The following TMCC3 variants were observed in gnomAD, a reference collection of about 807,000 sequenced individuals.
TMCC3 encodes transmembrane and coiled-coil domain family 3, also known as transmembrane and coiled-coil domain protein 3.
In TMCC3, 28 loss-of-function variants were observed where a neutral mutation model predicts 40.2. That is an observed-to-expected ratio of 0.70 (90% CI 0.52 to 0.95). TMCC3 has a LOEUF of 0.95. Ranked by LOEUF, TMCC3 falls within the 40% of genes least tolerant of loss-of-function variation. The pLI is 0.00. For missense variants in TMCC3, 554 were observed against 615.2 expected, an observed-to-expected ratio of 0.90 and a Z score of 1.05; for synonymous variants, 255 against 248.5, an observed-to-expected ratio of 1.03 and a Z score of -0.25.
chr12:94,609,518 T>G (rs898634693), intron 1 of TMCC3, among the ~76,000 whole-genome samples: 2 of 152,208 alleles, frequency 1.3e-5, no homozygotes, highest in Non-Finnish European at 2.9e-5. Context: ...GCAACTTGAT[T>G]TTTTGCAGCC....
intron 1 of TMCC3, among the ~76,000 whole-genome samples, chr12:94,610,559 TACC>T (rs374032691): frequency 6.6e-6 from 1 of 151,972 alleles, no homozygotes; most frequent in African/African-American, 2.4e-5. Flanking sequence ...CTGCCACCCC[TACC>T]ACCACCACCA....
intron 1 of TMCC3, among the ~76,000 whole-genome samples, chr12:94,619,981 T>C (rs1457173247): frequency 6.6e-6 from 1 of 152,012 alleles, no homozygotes; most frequent in Non-Finnish European, 1.5e-5. Context: ...TTGACCAACA[T>C]GGAGAAACCC....
intron 3 of TMCC3, among the ~76,000 whole-genome samples, chr12:94,576,137 G>A (rs1017276469): frequency 6.6e-6 from 1 of 152,080 alleles, no homozygotes; most frequent in Non-Finnish European, 1.5e-5. Flanking sequence ...CAGTGGTGAA[G>A]CAAAGTCTCT....
At chr12:94,579,309 C>T (rs976501295) in intron 2 of TMCC3, among the ~76,000 whole-genome samples, 5 of 152,148 alleles carry the variant, frequency 3.3e-5, no homozygotes, top group Non-Finnish European at 5.9e-5. Context: ...GAGTTCGAGA[C>T]CAGTCTGGCC....
chr12:94,643,828 T>C (rs2069003725), intron 1 of TMCC3, among the ~76,000 whole-genome samples: 1 of 152,226 alleles, frequency 6.6e-6, no homozygotes, highest in African/African-American at 2.4e-5. Context: ...TGGTAAAGAA[T>C]CAAGCTCTGG....
At chr12:94,580,022 A>G (rs886170525) in intron 2 of TMCC3, among the ~76,000 whole-genome samples, 1 of 152,252 alleles carries the variant, frequency 6.6e-6, no homozygotes, top group Non-Finnish European at 1.5e-5. Flanking sequence ...TTTTTGTTTC[A>G]TAAAATTGGA....
At chr12:94,623,550 C>T (rs1051491381) in intron 1 of TMCC3, among the ~76,000 whole-genome samples, 1 of 152,186 alleles carries the variant, frequency 6.6e-6, no homozygotes, top group Non-Finnish European at 1.5e-5. Context: ...TCTTCAGGAG[C>T]GAATTCACAG....
At position 94,569,790 on chromosome 12, in the gene TMCC3, T is replaced by C. The variant is rs1023185167; in HGVS notation, c.*1645A>G. On this transcript the variant is annotated 3_prime_UTR_variant, in exon 4 of 4. Coordinates refer to ENST00000261226, the MANE Select transcript of TMCC3 (RefSeq NM_020698.4). ...GGAGATTTCCCTAAGAAGAGCTGTTTGCAAAATATTGCACTTAATTTGAAT... is the reference window on the plus strand; with the variant it reads ...GGAGATTTCCCTAAGAAGAGCTGTTCGCAAAATATTGCACTTAATTTGAAT... The C allele has an allele frequency of 1.3e-5, 2 of 152,234 alleles. No individual in the cohort carries two copies. Among genetic ancestry groups the C allele is most frequent in the African/African-American group, 4.8e-5 (2 of 41,452 alleles). The allele number at this position is 152,234 out of a possible 1,614,324, so 9.4% of individuals were successfully genotyped here.
intron 1 of TMCC3, among the ~76,000 whole-genome samples, chr12:94,624,729 T>A (rs199734375): frequency 5.1e-5 from 7 of 137,316 alleles, no homozygotes; most frequent in Non-Finnish European, 6.6e-5. Context: ...AAAAAAAATA[T>A]ATTGTTCAGC....
rs373000102 is a variant in TMCC3, at chr12:94,593,423, G to GAAGAAGAAGAAGAA, written c.79-10886_79-10885insTTCTTCTTCTTCTT. On this transcript the variant is annotated intron_variant, in intron 1 of 3. Transcript: ENST00000261226. ...AAAGAAGAAGAAGGAAGAAGAAGAA[G>GAAGAAGAAGAAGAA]GAAGAAGAAGGAGAAGGAGAAGGAG... Among the ~76,000 whole-genome samples, 4 of 22,600 alleles carry GAAGAAGAAGAAGAA rather than the reference G, an allele frequency of 1.8e-4. 1 individual carries two copies. Among genetic ancestry groups the GAAGAAGAAGAAGAA allele is most frequent in the African/African-American group, 3.2e-4 (2 of 6,246 alleles). The allele number at this position is 22,600 out of a possible 152,430, so 14.8% of individuals were successfully genotyped here.
intron 1 of TMCC3, among the ~76,000 whole-genome samples, chr12:94,646,897 A>G (rs2069022878): frequency 6.6e-6 from 1 of 152,136 alleles, no homozygotes; most frequent in African/African-American, 2.4e-5. Context: ...AAGCTCGAAG[A>G]GCCAGAATAC....
At chr12:94,627,670 A>C (rs1453995663) in intron 1 of TMCC3, among the ~76,000 whole-genome samples, 1 of 152,158 alleles carries the variant, frequency 6.6e-6, no homozygotes, top group Non-Finnish European at 1.5e-5. Flanking sequence ...CCTCCCTTAG[A>C]TGGCTGCACA....
chr12:94,650,409 G>A lies in TMCC3; in HGVS notation c.22C>T (p.Leu8Phe). The A allele has an allele frequency of 3.0e-6, 4 of 1,314,524 alleles. No homozygotes were observed. Among genetic ancestry groups the A allele is most frequent in the Non-Finnish European group, 3.9e-6 (4 of 1,025,686 alleles). 81.4% of individuals were successfully genotyped at this position (1,314,524 alleles called of 1,614,324 possible). The change falls in exon 1 of 4, where the codon CTC becomes TTC. Residue 8 changes from leucine to phenylalanine, a missense_variant. Coordinates refer to ENST00000261226, the MANE Select transcript of TMCC3 (RefSeq NM_020698.4). The stretch of plus-strand genomic sequence containing the variant: ...TACGAGTAGGTCCGGTCCACGGTGA[G>A]CGCCGTGTCGCTGCCCGGCATCTCC... MPGSDTALTVDRTYSYPG... is the reference protein window; with the variant it reads MPGSDTAFTVDRTYSYPG...
chr12:94,583,989 C>G (rs940819016), intron 1 of TMCC3, among the ~76,000 whole-genome samples: 1 of 151,946 alleles, frequency 6.6e-6, no homozygotes. Context: ...AAATGAGAAG[C>G]AAGACAATAT....
In TMCC3 at chr12:94,567,307, A is replaced by G. The variant is rs2068500666; in HGVS notation, c.*4128T>C. 6.6e-6 allele frequency: 1 copy of G among 152,240 alleles called. No individual in the cohort carries two copies. Among genetic ancestry groups the G allele is most frequent in the Admixed American group, 6.5e-5 (1 of 15,286 alleles). 9.4% of individuals were successfully genotyped at this position (152,240 alleles called of 1,614,324 possible). ...TAACTCACAAAATGGAAATTCTGCAACAAGCCTCACAATAAACATTTCCAG... is the reference window on the plus strand; with the variant it reads ...TAACTCACAAAATGGAAATTCTGCAGCAAGCCTCACAATAAACATTTCCAG... On this transcript the variant is annotated 3_prime_UTR_variant, in exon 4 of 4. Transcript: ENST00000261226.
Position 94,616,224 on chromosome 12 carries a change from T to A in TMCC3, c.79-33686A>T. 6.7e-6 allele frequency: 3 copies of A among 448,608 alleles called. No individual in the cohort carries two copies. In the South Asian group the frequency reaches 2.8e-4, roughly 42 times the overall value. 27.8% of individuals were successfully genotyped at this position (448,608 alleles called of 1,614,324 possible). A position where few individuals can be genotyped will look rare whatever the true frequency, so the allele number is the denominator to read the frequency against. On this transcript the variant is annotated intron_variant, in intron 1 of 3. Transcript: ENST00000261226. ...GTCAGCAGAAGAGATCCACATTCTA[T>A]ATCTTTGCAGGGAGGTCGACTAGAA... is the stretch of plus-strand genomic sequence containing the variant.
chr12:94,638,175 AAG>A (rs2138882328), intron 1 of TMCC3, among the ~76,000 whole-genome samples: 1 of 152,284 alleles, frequency 6.6e-6, no homozygotes, highest in South Asian at 2.1e-4. Context: ...GTAAAAATAA[AAG>A]AGTGATCTAG....
chr12:94,597,124 CATATATATATAT>C (rs869220054), intron 1 of TMCC3, among the ~76,000 whole-genome samples: 40 of 29,836 alleles, frequency 1.3e-3, no homozygotes, highest in African/African-American at 3.8e-3. Flanking sequence ...TATTAAAATA[CATATATATATAT>C]ATATATATAT....
chr12:94,645,535 T>A (rs892936848), intron 1 of TMCC3, among the ~76,000 whole-genome samples: 12 of 152,222 alleles, frequency 7.9e-5, no homozygotes, highest in Non-Finnish European at 5.9e-5. Context: ...CCTCCCAGGT[T>A]CAAGCGATTC....
Sources: allele counts gnomAD v4.1 joint callset (sites outside exome capture counted in the v4.1 genomes callset), GRCh38; gene constraint gnomAD v4.1.1; transcripts MANE v1.5; gene names NCBI Gene and HGNC (gene_info 2026-07-23, HGNC 2026-07-21).